Variants in HMCN2 observed in about 807,000 individuals in gnomAD.
HMCN2 encodes the protein hemicentin-2.
In HMCN2, 325 loss-of-function variants were observed where a neutral mutation model predicts 377.5. The ratio of observed to expected loss-of-function variants is 0.86; its 90% CI spans 0.79 to 0.94. The LOEUF (loss-of-function observed/expected upper bound fraction) is 0.94, where lower values mean the gene tolerates loss of function less well. Ranked by LOEUF, HMCN2 falls within the 40% of genes least tolerant of loss-of-function variation. HMCN2 has a pLI of 0.00. For synonymous variants in HMCN2, 2,007 were observed against 2,046.8 expected, an observed-to-expected ratio of 0.98 and a Z score of 0.53; for missense variants, 4,543 against 4,725.3, an observed-to-expected ratio of 0.96 and a Z score of 1.13.
chr9:130,281,002 C>T (rs901471632), intron 1 of HMCN2, among the ~76,000 whole-genome samples: 6 of 151,602 alleles, frequency 4.0e-5, no homozygotes, highest in Admixed American at 1.3e-4. Flanking sequence ...ACTCAGGAGG[C>T]TGAGGCAGGA....
Position 130,410,645 on chromosome 9 carries a change from C to T in HMCN2, c.12954C>T (p.Val4318=). Residue 4318 remains valine (V), a synonymous_variant, in exon 85 of 98, where the codon GTC becomes GTT. Transcript: ENST00000683500. ...TGGCGAAGAAAGTGGTGATCCTCGT[C>T]CTGCAGAGTGAGTCTCGGCCTCAGC... ...MGVAKKVVIL[V]LQSAPVFQVE... The T allele has an allele frequency of 6.4e-7, 1 of 1,550,556 alleles. No homozygotes were observed. Among genetic ancestry groups the T allele is most frequent in the Non-Finnish European group, 8.7e-7 (1 of 1,146,952 alleles).
intron 61 of HMCN2, 46 bp from the exon 62 acceptor site, chr9:130,388,363 T>C (rs7849616): frequency 0.13 from 124,107 of 987,148 alleles, 8,435 homozygotes; most frequent in African/African-American, 0.24. Flanking sequence ...GGAAGGAAAT[T>C]GGGGAAGAGT....
intron 1 of HMCN2, among the ~76,000 whole-genome samples, chr9:130,272,838 C>G (rs1834473883): frequency 6.6e-6 from 1 of 152,174 alleles, no homozygotes; most frequent in Admixed American, 6.5e-5. Context: ...GATTACAGGC[C>G]TGAACCACTG....
At chr9:130,403,448 C>T in intron 79 of HMCN2, 120 bp downstream of exon 79, 1 of 1,103,324 alleles carries the variant, frequency 9.1e-7, no homozygotes. Flanking sequence ...CCTGGAAAGC[C>T]CCTGGCCTGC....
intron 96 of HMCN2, 63 bp downstream of exon 96, chr9:130,431,549 G>A: frequency 6.6e-7 from 1 of 1,524,082 alleles, no homozygotes; most frequent in Non-Finnish European, 8.8e-7. Flanking sequence ...CGTGGGATGG[G>A]ACATGTGGCA....
intron 83 of HMCN2, among the ~76,000 whole-genome samples, chr9:130,408,442 ACTG>A (rs1472326408): frequency 6.6e-6 from 1 of 152,196 alleles, no homozygotes; most frequent in Non-Finnish European, 1.5e-5. Flanking sequence ...CACGCGTAAC[ACTG>A]CCTTCCTGCC....
intron 59 of HMCN2, among the ~76,000 whole-genome samples, chr9:130,385,044 G>T (rs1841945899): frequency 6.6e-6 from 1 of 152,186 alleles, no homozygotes; most frequent in African/African-American, 2.4e-5. Flanking sequence ...CTGTTTCAAG[G>T]CTCGTGGTCT....
Position 130,393,732 on chromosome 9 carries a change from C to T in HMCN2, c.10235-10C>T. 3 of 1,228,292 alleles carry T rather than the reference C, an allele frequency of 2.4e-6. No individual in the cohort carries two copies. The South Asian group carries it at 4.3e-5, about 17-fold the overall frequency. The allele number at this position is 1,228,292 out of a possible 1,614,324, so 76.1% of individuals were successfully genotyped here. ...AAAATGGTTCCTGCCCACCTTTCTG[C>T]CCTCCATAGTGCCCCCTGTCCTGGA... On this transcript the variant is annotated splice_polypyrimidine_tract_variant and intron_variant, in intron 67 of 97. Coordinates refer to ENST00000683500, the MANE Select transcript of HMCN2 (RefSeq NM_001291815.2). This position sits in a 1 kb window ranked among gnomAD's most constrained non-coding sequence, Gnocchi z 5.2.
intron 58 of HMCN2, 46 bp from the exon 59 acceptor site, chr9:130,384,639 G>A (rs1226914995): frequency 7.7e-7 from 1 of 1,300,526 alleles, no homozygotes; most frequent in Non-Finnish European, 1.0e-6. Context: ...TTAGGACTGG[G>A]GGCTGGGCTG....
At chr9:130,348,513 G>C (rs1423024782) in intron 26 of HMCN2, 32 bp from the exon 27 acceptor site, 1 of 1,301,036 alleles carries the variant, frequency 7.7e-7, no homozygotes, top group South Asian at 1.2e-5. Context: ...AGGGGGCAGG[G>C]AAGCAGCTCC....
intron 33 of HMCN2, 67 bp from the exon 34 acceptor site, chr9:130,356,021 G>C: frequency 9.2e-7 from 1 of 1,089,410 alleles, no homozygotes; most frequent in Non-Finnish European, 1.2e-6. Flanking sequence ...TAGGTTTCCT[G>C]CTTGTCCTGC....
At chr9:130,433,165 T>C (rs1054984203) in intron 97 of HMCN2, 183 bp from the exon 98 acceptor site, 8 of 505,732 alleles carry the variant, frequency 1.6e-5, no homozygotes. Context: ...CTTCAGTTTG[T>C]TGAACTCTAA....
chr9:130,313,670 A>T (rs1837391677), intron 15 of HMCN2, among the ~76,000 whole-genome samples: 1 of 151,636 alleles, frequency 6.6e-6, no homozygotes, highest in Non-Finnish European at 1.5e-5. Context: ...GCGACTCGTC[A>T]CATGGCTGGT....
At chr9:130,424,085 A>G (rs1378557067) in intron 87 of HMCN2, among the ~76,000 whole-genome samples, 1 of 150,516 alleles carries the variant, frequency 6.6e-6, no homozygotes, top group Non-Finnish European at 1.5e-5. Flanking sequence ...GGCTCAAGCG[A>G]TCCTCCTACC....
Position 130,397,637 on chromosome 9 carries a change from CGTG to C in HMCN2, c.11309_11311del (p.Arg3770_Asp3771delinsHis). ...CTCTGCTGGCTCCGATCGTCAAGGC[CGTG>C]ACCTACGGGTCTTGGGTAGGTGGCC... On this transcript the variant is annotated inframe_deletion, in exon 74 of 98. Transcript: ENST00000683500. 1 of 1,289,802 alleles carries C rather than the reference CGTG, an allele frequency of 7.8e-7. No individual in the cohort carries two copies. The highest frequency in any genetic ancestry group is 1.0e-6 in the Non-Finnish European group (1 of 988,870). The allele number at this position is 1,289,802 out of a possible 1,614,324, so 79.9% of individuals were successfully genotyped here.
chr9:130,429,502 G>C (rs1299021827), intron 93 of HMCN2, 55 bp from the exon 94 acceptor site: 3 of 1,546,840 alleles, frequency 1.9e-6, no homozygotes, highest in Non-Finnish European at 2.6e-6. Flanking sequence ...CCGTCCCTTG[G>C]GGGAGGGGCC....
chr9:130,348,520 C>T (rs983497711), intron 26 of HMCN2, 25 bp from the exon 27 acceptor site: 18 of 1,301,942 alleles, frequency 1.4e-5, no homozygotes, highest in Admixed American at 4.6e-5. Flanking sequence ...AGGGAAGCAG[C>T]TCCTCGGCTC....
rs749700616 is a variant in HMCN2 at position 130,360,596 on chromosome 9, G to A, written c.5942G>A (p.Arg1981Gln). ...AGCACAGAGCTGCGGTATGGCCTAC[G>A]GGTCAATGGTGAGCTTCCCTGGGCC... is the stretch of plus-strand genomic sequence containing the variant. ...AGSTELRYGL[R>Q]VNVPPRITLP... Residue 1981 changes from arginine to glutamine, a missense_variant, in exon 38 of 98, where the codon CGG (arginine) becomes CAG (glutamine). Around this residue, in one of 5 missense-constraint regions of HMCN2, gnomAD observed 1,032 missense variants for 1,285.1 expected, o/e 0.80. Coordinates refer to ENST00000683500, the MANE Select transcript of HMCN2 (RefSeq NM_001291815.2). This position sits in a 1 kb window ranked among gnomAD's most constrained non-coding sequence, Gnocchi z 4.7. The A allele has an allele frequency of 3.3e-5, 43 of 1,289,784 alleles. 1 individual carries two copies. In the South Asian group the frequency reaches 3.4e-4, roughly 10 times the overall value. 79.9% of individuals were successfully genotyped at this position (1,289,784 alleles called of 1,614,324 possible).
chr9:130,306,056 CG>C (rs1388726116), intron 11 of HMCN2, 72 bp from the exon 12 acceptor site: 2 of 450,978 alleles, frequency 4.4e-6, no homozygotes, highest in African/African-American at 4.0e-5. Flanking sequence ...GGGAAGAGCC[CG>C]GGGCGGGGTG....
Sources: allele counts gnomAD v4.1 joint callset (sites outside exome capture counted in the v4.1 genomes callset), GRCh38; gene constraint gnomAD v4.1.1; regional missense constraint gnomAD v4.1.1; non-coding constraint Gnocchi (gnomAD v3.1); transcripts MANE v1.5; gene names NCBI Gene and HGNC (gene_info 2026-07-23, HGNC 2026-07-21).